DYSF: variants seen among roughly 807,000 people sequenced by gnomAD.
The protein encoded by DYSF is dystrophy-associated fer-1-like 1.
Under a neutral mutation model 274.9 loss-of-function variants are expected in DYSF, and 212 were observed. That is an observed-to-expected ratio of 0.77 (90% CI 0.69 to 0.86). DYSF has a LOEUF of 0.86. Among genes scored for constraint, DYSF ranks in the 40% least tolerant of loss-of-function variants. The pLI is 0.00. For synonymous variants in DYSF, 1,091 were observed against 1,078.7 expected, an observed-to-expected ratio of 1.01 and a Z score of -0.22; for missense variants, 2,666 against 2,783.2, an observed-to-expected ratio of 0.96 and a Z score of 0.95.
intron 14 of DYSF, among the ~76,000 whole-genome samples, chr2:71,531,509 A>T (rs956417122): frequency 6.6e-6 from 1 of 151,776 alleles, no homozygotes. Context: ...TGACATGTCC[A>T]TGATCAAAGG....
upstream of DYSF, among the ~76,000 whole-genome samples, chr2:71,463,777 C>A (rs999172187): frequency 2.6e-5 from 4 of 152,232 alleles, no homozygotes; most frequent in Non-Finnish European, 5.9e-5. Context: ...TCCAGGGGAA[C>A]AACTTAGGAC....
At chr2:71,634,865 A>T (rs1320842663) in intron 41 of DYSF, among the ~76,000 whole-genome samples, 1 of 152,160 alleles carries the variant, frequency 6.6e-6, no homozygotes, top group Middle Eastern at 3.2e-3. Flanking sequence ...GCCATACTGC[A>T]TCTTCTCATT....
intron 51 of DYSF, among the ~76,000 whole-genome samples, chr2:71,669,984 C>T (rs766863230): frequency 1.2e-4 from 18 of 152,298 alleles, no homozygotes; most frequent in Non-Finnish European, 1.0e-4. Flanking sequence ...CCAATGTCAC[C>T]GTGGCTGCTG....
chr2:71,573,289 G>C (rs1042925234), intron 29 of DYSF, among the ~76,000 whole-genome samples: 1 of 152,204 alleles, frequency 6.6e-6, no homozygotes. Flanking sequence ...GCACCCAGCA[G>C]ACAGAGGCAA....
In DYSF at chr2:71,646,322, C is replaced by T. The variant is rs1447698564; in HGVS notation, c.4626+2259C>T. Among the ~76,000 whole-genome samples the T allele has an allele frequency of 2.0e-5, 3 of 152,230 alleles. No homozygotes were observed. The East Asian group carries it at 5.8e-4, about 29-fold the overall frequency. ...GCCAGGGTGGCCCATGGCCCTGGCC[C>T]CTCGCTGCTCCCTCAGGTGCGGATG... On this transcript the variant is annotated intron_variant, in intron 42 of 55. Coordinates refer to ENST00000410020, the MANE Select transcript of DYSF (RefSeq NM_001130987.2).
chr2:71,642,341 C>T (rs1303204277), intron 41 of DYSF, among the ~76,000 whole-genome samples: 2 of 152,202 alleles, frequency 1.3e-5, no homozygotes, highest in African/African-American at 4.8e-5. Flanking sequence ...TGTGTTTTAG[C>T]ATACACATCT....
intron 32 of DYSF, among the ~76,000 whole-genome samples, chr2:71,591,913 G>A (rs1439157837): frequency 6.6e-6 from 1 of 152,264 alleles, no homozygotes; most frequent in African/African-American, 2.4e-5. Flanking sequence ...CCAGGGTCCT[G>A]AGAGCTCCCT....
At chr2:71,487,068 C>T (rs1174868827) in intron 3 of DYSF, among the ~76,000 whole-genome samples, 2 of 152,192 alleles carry the variant, frequency 1.3e-5, no homozygotes, top group African/African-American at 2.4e-5. Flanking sequence ...GCAGCATCAC[C>T]TACTCTCCAG....
At chr2:71,478,346 G>C (rs917905417) in intron 1 of DYSF, among the ~76,000 whole-genome samples, 1 of 151,728 alleles carries the variant, frequency 6.6e-6, no homozygotes, top group African/African-American at 2.4e-5. Flanking sequence ...CGAGCAGCTG[G>C]GACTACAGGT....
chr2:71,682,016 G>A (rs2095302814), intron 54 of DYSF, among the ~76,000 whole-genome samples: 1 of 152,208 alleles, frequency 6.6e-6, no homozygotes, highest in South Asian at 2.1e-4. Flanking sequence ...ATTTTGAGAT[G>A]TGGAGCTGGC....
At position 71,598,759 on chromosome 2, in the gene DYSF, G is replaced by A. The variant is rs1364869434; in HGVS notation, c.3756+14G>A. On this transcript the variant is annotated intron_variant, in intron 33 of 55. Transcript: ENST00000410020. ...CATGACACTTATGTGAGTCTGCCCA[G>A]CTCCTGCCTCGTCCCCTCACAGGGA... 6.2e-7 allele frequency: 1 copy of A among 1,609,724 alleles called. No individual in the cohort carries two copies.
intron 52 of DYSF, among the ~76,000 whole-genome samples, chr2:71,676,848 A>C (rs560893811): frequency 3.9e-5 from 6 of 152,256 alleles, no homozygotes; most frequent in African/African-American, 1.2e-4. Flanking sequence ...GTAATGGTTA[A>C]GCACCTATAA....
At position 71,647,693 on chromosome 2, in the gene DYSF, A is replaced by T. The variant is rs73942368; in HGVS notation, c.4626+3630A>T. Reference sequence around the variant, plus strand: ...AATGTTGAAAGATCAGAGTAGTAGCAGATCTCAGAAAGCCTAGCAAAAATA... The same window carrying T: ...AATGTTGAAAGATCAGAGTAGTAGCTGATCTCAGAAAGCCTAGCAAAAATA... On this transcript the variant is annotated intron_variant, in intron 42 of 55. Coordinates refer to ENST00000410020, the MANE Select transcript of DYSF (RefSeq NM_001130987.2). Among the ~76,000 whole-genome samples, 689 of 152,372 alleles carry T rather than the reference A, an allele frequency of 4.5e-3. 3 individuals are homozygous for T. The highest frequency in any genetic ancestry group is 0.014 in the Middle Eastern group (4 of 294).
chr2:71,528,342 G>C lies in DYSF; in HGVS notation c.1321G>C (p.Glu441Gln). ...CAACGTGAAACAGATCTTTGGCTTC[G>C]AGAGTAACAAGAAGAACTTGGTGGA... ...MDNVKQIFGF[E>Q]SNKKNLVDPF... The change falls in exon 14 of 56, where the codon GAG becomes CAG. Residue 441 changes from glutamate (E) to glutamine (Q), a missense_variant. Physicochemically the swap from Glu to Gln is conservative, Grantham distance 29. Around this residue, in one of 3 missense-constraint regions of DYSF, gnomAD observed 794 missense variants for 777.1 expected, o/e 1.02. Transcript: ENST00000410020. 1 of 1,614,180 alleles carries C rather than the reference G, an allele frequency of 6.2e-7. No individual in the cohort carries two copies. The highest frequency in any genetic ancestry group is 8.5e-7 in the Non-Finnish European group (1 of 1,180,010).
intron 32 of DYSF, among the ~76,000 whole-genome samples, chr2:71,596,511 T>C (rs1338812493): frequency 1.3e-5 from 2 of 152,182 alleles, no homozygotes; most frequent in East Asian, 1.9e-4. Flanking sequence ...TCTGCCGAGC[T>C]TGGAGCTGAT....
At chr2:71,598,860 G>A (rs2093471974) in intron 33 of DYSF, 115 bp downstream of exon 33, 3 of 1,211,762 alleles carry the variant, frequency 2.5e-6, no homozygotes, top group Admixed American at 4.0e-5. Flanking sequence ...AACTCCACGG[G>A]CCCTAGAACA....
chr2:71,520,724 C>T (rs556262226), intron 11 of DYSF, 65 bp from the exon 12 acceptor site: 1 of 1,470,244 alleles, frequency 6.8e-7, no homozygotes, highest in South Asian at 1.1e-5. Flanking sequence ...TCCTGGGTTC[C>T]CGGATGTGGC....
intron 32 of DYSF, among the ~76,000 whole-genome samples, chr2:71,590,739 C>CCCAGAT (rs1256507408): frequency 6.6e-6 from 1 of 152,218 alleles, no homozygotes; most frequent in African/African-American, 2.4e-5. Flanking sequence ...GCTCCCCCCA[C>CCCAGAT]CCAGATCCAG....
Position 71,617,414 on chromosome 2 carries a change from C to T in DYSF, c.4465-3133C>T, listed in dbSNP as rs75993076. ...GGCTAAGCAACCAGGGAAGCTTCTC[C>T]GGGAAGGCGGCCTCTGAGGCGGGTG... On this transcript the variant is annotated intron_variant, in intron 40 of 55. Transcript: ENST00000410020. 5.0e-3 allele frequency among the ~76,000 whole-genome samples: 769 copies of T among 152,280 alleles called. 21 individuals are homozygous for T. Among genetic ancestry groups the T allele is most frequent in the East Asian group, 0.034 (178 of 5,188 alleles).
Sources: gnomAD v4.1 joint callset for allele counts (sites outside exome capture counted in the v4.1 genomes callset) on GRCh38, gnomAD v4.1.1 for gene constraint, gnomAD v4.1.1 regional missense constraint, MANE v1.5 for transcripts, NCBI Gene and HGNC (gene_info 2026-07-23, HGNC 2026-07-21) for gene names.